Variants in ABCG1 observed in about 807,000 individuals in gnomAD.
ABCG1 encodes ATP binding cassette subfamily G member 1.
Under a neutral mutation model 69.2 loss-of-function variants are expected in ABCG1, and 29 were observed. The ratio of observed to expected loss-of-function variants is 0.42; its 90% CI spans 0.31 to 0.57. The LOEUF is 0.57. Among genes scored for constraint, ABCG1 ranks in the 20% least tolerant of loss-of-function variants. The probability of loss-of-function intolerance (pLI) is 0.15; values close to 1 mark genes in which losing one functional copy is unlikely to be tolerated. For missense variants in ABCG1, 718 were observed against 898.1 expected (o/e 0.80, Z 2.56); for synonymous variants, 370 against 374.8 (o/e 0.99, Z 0.15).
At chr21:42,249,118 G>C (rs6586298) in intron 2 of ABCG1, among the ~76,000 whole-genome samples, 7,977 of 152,134 alleles carry the variant, frequency 0.052, 691 homozygotes, top group African/African-American at 0.18. Context: ...CACCAAAATT[G>C]TTAAAGGATA....
At chr21:42,223,584 C>T (rs1340621747) in intron 1 of ABCG1, among the ~76,000 whole-genome samples, 1 of 152,132 alleles carries the variant, frequency 6.6e-6, no homozygotes, top group Non-Finnish European at 1.5e-5. Flanking sequence ...TTATGCTTTC[C>T]TCCTGGCTCT....
chr21:42,269,751 C>A (rs1423887945), intron 2 of ABCG1, among the ~76,000 whole-genome samples: 1 of 152,204 alleles, frequency 6.6e-6, no homozygotes, highest in African/African-American at 2.4e-5. Context: ...CTATGAAAGA[C>A]AGGAAGACAG....
chr21:42,216,354 G>T (rs546458362), upstream of ABCG1, among the ~76,000 whole-genome samples: 10 of 151,848 alleles, frequency 6.6e-5, no homozygotes, highest in Admixed American at 2.0e-4. Context: ...GGACTAAGCT[G>T]GTCCTGTCGA....
At chr21:42,253,848 C>G (rs994034053) in intron 2 of ABCG1, among the ~76,000 whole-genome samples, 2 of 152,112 alleles carry the variant, frequency 1.3e-5, no homozygotes, top group African/African-American at 4.8e-5. Flanking sequence ...CTTGGGGTGC[C>G]TAAGGGAGAC....
chr21:42,277,596 A>G (rs902476870), intron 5 of ABCG1, among the ~76,000 whole-genome samples: 1 of 152,274 alleles, frequency 6.6e-6, no homozygotes, highest in African/African-American at 2.4e-5. Context: ...TCCACGGGAA[A>G]CCCACTGTCC....
rs544430320 is a variant in ABCG1, at chr21:42,274,577, C to T, written c.537+1142C>T. Among the ~76,000 whole-genome samples the T allele has an allele frequency of 1.8e-4, 27 of 149,548 alleles. No individual in the cohort carries two copies. In the East Asian group the frequency reaches 2.8e-3, roughly 15 times the overall value. On this transcript the variant is annotated intron_variant, in intron 4 of 14. Transcript: ENST00000398449. ...GCAACCTCCGCCTCCCAGGTTCAAG[C>T]GATTCTTCTGCCTCAGCCTCCCAAG...
At chr21:42,255,239 G>A (rs1032530875) in intron 2 of ABCG1, among the ~76,000 whole-genome samples, 6 of 152,230 alleles carry the variant, frequency 3.9e-5, no homozygotes, top group Non-Finnish European at 5.9e-5. Flanking sequence ...CCAGTGGGGC[G>A]CGGTGTGCAG....
At chr21:42,262,477 T>C (rs1277579340) in intron 2 of ABCG1, among the ~76,000 whole-genome samples, 2 of 152,208 alleles carry the variant, frequency 1.3e-5, no homozygotes, top group East Asian at 3.8e-4. Flanking sequence ...TAGCCTTAGG[T>C]GACCCACGGG....
intron 2 of ABCG1, among the ~76,000 whole-genome samples, chr21:42,229,675 G>A (rs537969562): frequency 7.2e-5 from 11 of 152,046 alleles, no homozygotes; most frequent in South Asian, 4.1e-4. Flanking sequence ...AGTCGGGATC[G>A]TACCATTGTA....
intron 2 of ABCG1, among the ~76,000 whole-genome samples, chr21:42,234,985 C>A (rs1387978616): frequency 6.6e-6 from 1 of 152,056 alleles, no homozygotes; most frequent in Admixed American, 6.5e-5. Flanking sequence ...TGTTGCCAAG[C>A]GCGAGGAGGC....
intron 2 of ABCG1, among the ~76,000 whole-genome samples, chr21:42,241,978 A>G (rs112753328): frequency 0.067 from 3,926 of 58,868 alleles, 79 homozygotes; most frequent in Middle Eastern, 0.12. Context: ...ACCCTGTCTC[A>G]AAAAAAAAAA....
At chr21:42,284,758 T>TACCC in intron 7 of ABCG1, 75 bp downstream of exon 7, 1 of 1,551,574 alleles carries the variant, frequency 6.4e-7, no homozygotes. Context: ...AAACCCTGGG[T>TACCC]ACCCACTGCC....
chr21:42,202,772 T>C (rs1342863660), intron 2 of ABCG1, among the ~76,000 whole-genome samples: 5 of 151,896 alleles, frequency 3.3e-5, no homozygotes, highest in Non-Finnish European at 5.9e-5. Flanking sequence ...CCACCACGCC[T>C]GGCTAATTTT....
chr21:42,216,233 G>A (rs1369480562), upstream of ABCG1: 1 of 418,820 alleles, frequency 2.4e-6, no homozygotes, highest in East Asian at 8.0e-5. Context: ...CCCAGTCTCA[G>A]GTATGTCTTT....
At chr21:42,254,638 G>T (rs922912076) in intron 2 of ABCG1, among the ~76,000 whole-genome samples, 1 of 152,266 alleles carries the variant, frequency 6.6e-6, no homozygotes, top group African/African-American at 2.4e-5. Context: ...TCACGAAAAT[G>T]GAGGCGGTCG....
At chr21:42,253,337 C>T (rs922471735) in intron 2 of ABCG1, among the ~76,000 whole-genome samples, 5 of 152,208 alleles carry the variant, frequency 3.3e-5, no homozygotes, top group African/African-American at 1.2e-4. Flanking sequence ...GGGGAAGGAT[C>T]ATCCCAGCCA....
chr21:42,214,541 G>A (rs866763910), upstream of ABCG1, among the ~76,000 whole-genome samples: 48 of 152,206 alleles, frequency 3.2e-4, no homozygotes, highest in African/African-American at 1.0e-3. Flanking sequence ...AGGCAAGCTC[G>A]CCACAGGGAT....
rs773194834 is a variant in ABCG1 at position 42,273,905 on chromosome 21, C to G, written c.537+470C>G. On this transcript the variant is annotated intron_variant, in intron 4 of 14. Coordinates refer to ENST00000398449, the MANE Select transcript of ABCG1 (RefSeq NM_016818.3). The surrounding 1 kb of genome is among the most constrained non-coding windows in gnomAD (Gnocchi z 5.3). ...CTGCCTCCCAGGTGGGAAAATGAAA[C>G]CAGCAGTGGCCGAGCATCTCCTGGG... Among the ~76,000 whole-genome samples, 4 of 152,168 alleles carry G rather than the reference C, an allele frequency of 2.6e-5. No individual in the cohort carries two copies. The highest frequency in any genetic ancestry group is 5.9e-5 in the Non-Finnish European group (4 of 68,024).
chr21:42,282,347 A>G lies in ABCG1; in HGVS notation c.662A>G (p.Gln221Arg). Residue 221 changes from glutamine to arginine, a missense_variant, in exon 6 of 15, where the codon CAG (glutamine) becomes CGG (arginine). This residue lies in a region of ABCG1 where 514 missense variants were observed against 574.3 expected (regional missense o/e 0.90). Transcript: ENST00000398449. ...CGGACCGGGAGCCTGTCAGGTGGTC[A>G]GCGCAAGCGCCTGGCCATCGCGCTG... ...NTRTGSLSGG[Q>R]RKRLAIALEL... 1.2e-6 allele frequency: 2 copies of G among 1,613,762 alleles called. No homozygotes were observed. The highest frequency in any genetic ancestry group is 1.7e-6 in the Non-Finnish European group (2 of 1,180,020).
Sources: gnomAD v4.1 joint callset for allele counts (sites outside exome capture counted in the v4.1 genomes callset) on GRCh38, gnomAD v4.1.1 for gene constraint, gnomAD v4.1.1 regional missense constraint, Gnocchi (gnomAD v3.1) non-coding constraint, MANE v1.5 for transcripts, NCBI Gene and HGNC (gene_info 2026-07-23, HGNC 2026-07-21) for gene names.